ATP13A5: variants seen among roughly 807,000 people sequenced by gnomAD.
ATP13A5 encodes the protein probable cation-transporting ATPase 13A5.
In ATP13A5, 149 loss-of-function variants were observed where a neutral mutation model predicts 150.2. That is an observed-to-expected ratio of 0.99 (90% confidence interval 0.87 to 1.14). ATP13A5 has a LOEUF of 1.14. Ranked by LOEUF, ATP13A5 falls within the 50% of genes most tolerant of loss-of-function variation. The pLI, the probability that ATP13A5 is intolerant of heterozygous loss-of-function variation, is 0.00. For synonymous variants in ATP13A5, 497 were observed against 522.2 expected (o/e 0.95, Z 0.66); for missense variants, 1,383 against 1,449.3 (o/e 0.95, Z 0.74).
intron 18 of ATP13A5, 139 bp downstream of exon 18, chr3:193,314,833 G>A: frequency 9.4e-7 from 1 of 1,063,436 alleles, no homozygotes; most frequent in Non-Finnish European, 1.4e-6. Flanking sequence ...ATGTTTTTAG[G>A]TAAGGGACTA....
At chr3:193,289,480 C>T (rs940031533) in intron 26 of ATP13A5, among the ~76,000 whole-genome samples, 1 of 152,126 alleles carries the variant, frequency 6.6e-6, no homozygotes, top group African/African-American at 2.4e-5. Flanking sequence ...TACAGCCACA[C>T]CCACTTGTTT....
rs575482402 is a variant in ATP13A5, at chr3:193,308,648, T to C, written c.2526-1279A>G. 2.6e-5 allele frequency among the ~76,000 whole-genome samples: 4 copies of C among 152,272 alleles called. No individual in the cohort carries two copies. In the South Asian group the frequency reaches 8.3e-4, roughly 32 times the overall value. ...TCACATCAAGAATCTTATCATCTTC[T>C]AGTATTCCCTGAATTCAGAAAGAGA... On this transcript the variant is annotated intron_variant, in intron 21 of 29. Transcript: ENST00000342358.
chr3:193,313,834 A>G (rs900308433), intron 19 of ATP13A5, 199 bp downstream of exon 19: 3 of 588,692 alleles, frequency 5.1e-6, no homozygotes, highest in Non-Finnish European at 8.7e-6. Flanking sequence ...TGCAGCCTGC[A>G]CTGGAAGCTT....
At chr3:193,279,532 A>G in intron 27 of ATP13A5, 78 bp from the exon 28 acceptor site, 6 of 1,154,834 alleles carry the variant, frequency 5.2e-6, no homozygotes, top group East Asian at 2.4e-5. Context: ...AGAATCAATT[A>G]TCTCTGTTGG....
chr3:193,377,144 G>C (rs1713673319), intron 1 of ATP13A5, among the ~76,000 whole-genome samples: 1 of 152,168 alleles, frequency 6.6e-6, no homozygotes, highest in South Asian at 2.1e-4. Flanking sequence ...AGTTAGAGAA[G>C]AATAAAGAGC....
chr3:193,295,828 A>G (rs947499061), intron 25 of ATP13A5, among the ~76,000 whole-genome samples: 4 of 152,166 alleles, frequency 2.6e-5, no homozygotes, highest in African/African-American at 9.7e-5. Context: ...GATAAAACTT[A>G]TGGAGATTAT....
rs145513653 is a variant in ATP13A5 at position 193,302,121 on chromosome 3, G to C, written c.2679-814C>G. 7.9e-5 allele frequency among the ~76,000 whole-genome samples: 12 copies of C among 152,168 alleles called. No individual in the cohort carries two copies. The East Asian group carries it at 2.3e-3, about 29-fold the overall frequency. On this transcript the variant is annotated intron_variant, in intron 23 of 29. Coordinates refer to ENST00000342358, the MANE Select transcript of ATP13A5 (RefSeq NM_198505.4). ...GCTCAGGGCAGAAGCAATCCACATG[G>C]GACGTGACCCACATCCACTTCATTT...
At position 193,284,804 on chromosome 3, in the gene ATP13A5, A is replaced by C. The variant is rs865848269; in HGVS notation, c.3226+110T>G. On this transcript the variant is annotated intron_variant, in intron 27 of 29. Coordinates refer to ENST00000342358, the MANE Select transcript of ATP13A5 (RefSeq NM_198505.4). ...TGCATTCAACAACAATTTTAGAGTC[A>C]TGCAATTGTTTCTTCCTCAGCCCAT... 19 of 915,018 alleles carry C rather than the reference A, an allele frequency of 2.1e-5. No homozygotes were observed. In the Middle Eastern group the frequency reaches 2.9e-3, roughly 140 times the overall value. The allele number at this position is 915,018 out of a possible 1,614,324, so 56.7% of individuals were successfully genotyped here.
rs779630996 is a variant in ATP13A5, at chr3:193,311,791, A to C, written c.2445+25T>G. 1.9e-6 allele frequency: 3 copies of C among 1,612,756 alleles called. No homozygotes were observed. In the Admixed American group the frequency reaches 5.0e-5, roughly 27 times the overall value. ...CCTCGCTGATTTGAGGAGCAAAACA[A>C]AACACTTCTTTCTTCAGTACTTACT... is the stretch of plus-strand genomic sequence containing the variant. On this transcript the variant is annotated intron_variant, in intron 20 of 29. Coordinates refer to ENST00000342358, the MANE Select transcript of ATP13A5 (RefSeq NM_198505.4).
At chr3:193,374,789 G>A (rs1031062858) in intron 1 of ATP13A5, among the ~76,000 whole-genome samples, 8 of 152,172 alleles carry the variant, frequency 5.3e-5, no homozygotes, top group Admixed American at 1.3e-4. Flanking sequence ...GAGGTGGGGC[G>A]AATAAGAGGT....
At position 193,313,840 on chromosome 3, in the gene ATP13A5, A is replaced by G. The variant is rs922258550; in HGVS notation, c.2319+193T>C. On this transcript the variant is annotated intron_variant, in intron 19 of 29. Coordinates refer to ENST00000342358, the MANE Select transcript of ATP13A5 (RefSeq NM_198505.4). Reference sequence around the variant, plus strand: ...TTTAATTGGTGCAGCCTGCACTGGAAGCTTAGAAACTCCCCCAGGTGATTT... The same window carrying G: ...TTTAATTGGTGCAGCCTGCACTGGAGGCTTAGAAACTCCCCCAGGTGATTT... 159 of 605,524 alleles carry G rather than the reference A, an allele frequency of 2.6e-4. 1 individual carries two copies. Among genetic ancestry groups the G allele is most frequent in the Non-Finnish European group, 1.3e-4 (48 of 358,420 alleles). 37.5% of individuals were successfully genotyped at this position (605,524 alleles called of 1,614,324 possible).
intron 17 of ATP13A5, among the ~76,000 whole-genome samples, chr3:193,316,632 C>T (rs183453334): frequency 6.6e-6 from 1 of 152,008 alleles, no homozygotes; most frequent in Non-Finnish European, 1.5e-5. Context: ...GGAGAAATGT[C>T]TATTCAGGGC....
rs1560123560 is a variant in ATP13A5 at position 193,305,570 on chromosome 3, A to C, written c.2667T>G (p.Pro889=). ...AAAAAATGACTTACCTGATGAGATG[A>C]GGCACACACTGGATGTTGGTTGTTT... The part of the protein sequence containing the change: ...TSKTTNIQCV[P]HLIREGRAAL... Residue 889 remains proline (P), a synonymous_variant, in exon 23 of 30, where the codon CCT becomes CCG. Coordinates refer to ENST00000342358, the MANE Select transcript of ATP13A5 (RefSeq NM_198505.4). 4 of 1,613,560 alleles carry C rather than the reference A, an allele frequency of 2.5e-6. No homozygotes were observed.
intron 22 of ATP13A5, 137 bp downstream of exon 22, chr3:193,307,190 G>A: frequency 6.5e-7 from 1 of 1,530,634 alleles, no homozygotes; most frequent in South Asian, 1.2e-5. Context: ...CCACACTCAG[G>A]TAGAGGTGGA....
At chr3:193,309,081 C>A (rs1230493117) in intron 21 of ATP13A5, among the ~76,000 whole-genome samples, 3 of 152,190 alleles carry the variant, frequency 2.0e-5, no homozygotes, top group Non-Finnish European at 4.4e-5. Flanking sequence ...TTCCTTTTCA[C>A]TTCCTAGACT....
intron 7 of ATP13A5, among the ~76,000 whole-genome samples, chr3:193,348,126 CG>C (rs949132797): frequency 2.0e-5 from 3 of 152,138 alleles, no homozygotes; most frequent in Non-Finnish European, 4.4e-5. Flanking sequence ...TCTGCAAACA[CG>C]GGTTTCTATG....
intron 5 of ATP13A5, among the ~76,000 whole-genome samples, chr3:193,359,287 G>GATAGAGGTCACGGTAT (rs1349104741): frequency 2.0e-4 from 30 of 152,218 alleles, no homozygotes; most frequent in Non-Finnish European, 3.2e-4. Flanking sequence ...TTTCAAAGGG[G>GATAGAGGTCACGGTAT]ATAGAGGTCA....
chr3:193,285,284 A>G (rs905477010), intron 26 of ATP13A5, among the ~76,000 whole-genome samples, 168 bp from the exon 27 acceptor site: 1 of 152,228 alleles, frequency 6.6e-6, no homozygotes, highest in African/African-American at 2.4e-5. Context: ...AAGCAGAAAT[A>G]AAAGGAAGTC....
chr3:193,315,217 C>A, intron 17 of ATP13A5, 121 bp from the exon 18 acceptor site: 9 of 1,006,354 alleles, frequency 8.9e-6, no homozygotes, highest in Non-Finnish European at 1.1e-5. Flanking sequence ...TTTTAAAAAT[C>A]AAAATGAACT....
Sources: gnomAD v4.1 joint callset for allele counts (sites outside exome capture counted in the v4.1 genomes callset) on GRCh38, gnomAD v4.1.1 for gene constraint, MANE v1.5 for transcripts, NCBI Gene and HGNC (gene_info 2026-07-23, HGNC 2026-07-21) for gene names.